Variants in EPB41L3 observed in about 807,000 individuals in gnomAD.
EPB41L3 encodes band 4.1-like protein 3.
A neutral mutation model predicts 127.1 loss-of-function variants in EPB41L3; 57 were observed. The ratio of observed to expected loss-of-function variants is 0.45; its 90% CI spans 0.36 to 0.56. EPB41L3 has a LOEUF of 0.56. Ranked by LOEUF, EPB41L3 falls within the 20% of genes least tolerant of loss-of-function variation. The pLI, the probability that EPB41L3 is intolerant of heterozygous loss-of-function variation, is 0.00. For synonymous variants in EPB41L3, 572 were observed against 549.5 expected (o/e 1.04, Z -0.57); for missense variants, 1,273 against 1,372.2 (o/e 0.93, Z 1.14).
chr18:5,498,713 A>T (rs1432943411), intron 1 of EPB41L3, among the ~76,000 whole-genome samples: 1 of 152,106 alleles, frequency 6.6e-6, no homozygotes, highest in Non-Finnish European at 1.5e-5. Flanking sequence ...CAAAGTGGAC[A>T]TTTCAGAGCA....
At position 5,398,113 on chromosome 18, in the gene EPB41L3, C is replaced by T; in HGVS notation, c.2380G>A (p.Asp794Asn). Residue 794 changes from aspartate (D) to asparagine (N), a missense_variant, in exon 17 of 23, where the codon GAT becomes AAT. Transcript: ENST00000341928. ...AATAAACTGAAGATTTCAGAGCCAT[C>T]CATGAGCTTTTCCCCAGAAGACTGC... Reference protein sequence around the residue: ...TKQSSGEKLMDGSEIFSLLES... With the variant: ...TKQSSGEKLMNGSEIFSLLES... 2 of 1,614,084 alleles carry T rather than the reference C, an allele frequency of 1.2e-6. No individual in the cohort carries two copies. Among genetic ancestry groups the T allele is most frequent in the Non-Finnish European group, 1.7e-6 (2 of 1,180,004 alleles).
intron 3 of EPB41L3, among the ~76,000 whole-genome samples, chr18:5,584,824 A>C (rs75138365): frequency 6.6e-6 from 1 of 152,354 alleles, no homozygotes; most frequent in Non-Finnish European, 1.5e-5. Context: ...CATCTGATTC[A>C]AAGTGAAAAT....
chr18:5,408,036 A>G (rs923253331), intron 14 of EPB41L3, among the ~76,000 whole-genome samples: 1 of 152,206 alleles, frequency 6.6e-6, no homozygotes, highest in Non-Finnish European at 1.5e-5. Flanking sequence ...CTTGATGAAC[A>G]TTAGAAATAG....
intron 3 of EPB41L3, among the ~76,000 whole-genome samples, chr18:5,592,214 G>A (rs560682119): frequency 5.3e-5 from 8 of 152,118 alleles, no homozygotes; most frequent in South Asian, 4.2e-4. Context: ...TCACCCAGGC[G>A]GGAGTGCAGT....
intron 9 of EPB41L3, among the ~76,000 whole-genome samples, chr18:5,427,006 T>C (rs1018016021): frequency 6.6e-6 from 1 of 152,142 alleles, no homozygotes; most frequent in African/African-American, 2.4e-5. Flanking sequence ...ATGTTTCAAT[T>C]TTTTTGTTAT....
chr18:5,435,224 T>A lies in EPB41L3; in HGVS notation c.606-1103A>T. Among the ~76,000 whole-genome samples the A allele has an allele frequency of 1.3e-5, 2 of 152,318 alleles. 1 individual carries two copies. The highest frequency in any genetic ancestry group is 4.1e-4 in the South Asian group (2 of 4,832). On this transcript the variant is annotated intron_variant, in intron 6 of 22. Transcript: ENST00000341928. ...TAAAAAAATTACAGTAAGCTAAGGT[T>A]AATTTATTATTGAAGAAAGAAATTT...
intron 3 of EPB41L3, among the ~76,000 whole-genome samples, chr18:5,564,806 T>G (rs2094177314): frequency 6.6e-6 from 1 of 152,104 alleles, no homozygotes; most frequent in Non-Finnish European, 1.5e-5. Flanking sequence ...CCCAGTTCCC[T>G]GCAGCTACTC....
intron 3 of EPB41L3, among the ~76,000 whole-genome samples, chr18:5,457,776 C>A (rs971451149): frequency 3.9e-5 from 6 of 152,146 alleles, no homozygotes; most frequent in Non-Finnish European, 8.8e-5. Flanking sequence ...CACACACCTC[C>A]ACGCCCCGAA....
In EPB41L3 at chr18:5,393,451, C is replaced by G. The variant is rs1248223402; in HGVS notation, c.*34G>C. On this transcript the variant is annotated 3_prime_UTR_variant, in exon 23 of 23. Coordinates refer to ENST00000341928, the MANE Select transcript of EPB41L3 (RefSeq NM_012307.5). Reference sequence around the variant, plus strand: ...CTGGTTTTCCTAACGGTTTGCATGACTGCATTCATGTGCAAGCTAAGTTAT... The same window carrying G: ...CTGGTTTTCCTAACGGTTTGCATGAGTGCATTCATGTGCAAGCTAAGTTAT... 1 of 701,204 alleles carries G rather than the reference C, an allele frequency of 1.4e-6. No individual in the cohort carries two copies. Among genetic ancestry groups the G allele is most frequent in the South Asian group, 1.5e-5 (1 of 67,270 alleles). 43.4% of individuals were successfully genotyped at this position (701,204 alleles called of 1,614,324 possible).
intron 2 of EPB41L3, among the ~76,000 whole-genome samples, chr18:5,481,235 C>G (rs543131127): frequency 6.6e-6 from 1 of 152,238 alleles, no homozygotes; most frequent in South Asian, 2.1e-4. Flanking sequence ...GCTGGTTTCC[C>G]TCCTCCCATC....
At chr18:5,561,015 T>C (rs1010812134) in intron 3 of EPB41L3, among the ~76,000 whole-genome samples, 2 of 131,172 alleles carry the variant, frequency 1.5e-5, no homozygotes, top group African/African-American at 5.4e-5. Flanking sequence ...TCTCGCTCTG[T>C]CGCCCAGGCT....
intron 1 of EPB41L3, among the ~76,000 whole-genome samples, chr18:5,539,414 A>C (rs1302206333): frequency 1.3e-5 from 2 of 152,248 alleles, no homozygotes; most frequent in Non-Finnish European, 2.9e-5. Context: ...CAAAGTATGC[A>C]ATTTAACCAA....
chr18:5,602,802 G>A (rs568970208), intron 3 of EPB41L3, among the ~76,000 whole-genome samples: 117 of 152,284 alleles, frequency 7.7e-4, no homozygotes, highest in African/African-American at 2.2e-3. Context: ...ATAGGTAACC[G>A]ATGTTTAAAG....
At chr18:5,624,487 T>G (rs903173661) in intron 1 of EPB41L3, among the ~76,000 whole-genome samples, 5 of 152,226 alleles carry the variant, frequency 3.3e-5, no homozygotes, top group Admixed American at 2.6e-4. Context: ...TTCTTCCAGC[T>G]ACCAAGGCAT....
At chr18:5,579,879 G>A (rs1419439362) in intron 3 of EPB41L3, among the ~76,000 whole-genome samples, 1 of 152,232 alleles carries the variant, frequency 6.6e-6, no homozygotes, top group African/African-American at 2.4e-5. Flanking sequence ...GAGGATTAGA[G>A]ATGACGGTGA....
At chr18:5,560,974 T>TTGACACGG (rs1343584048) in intron 3 of EPB41L3, among the ~76,000 whole-genome samples, 1 of 144,818 alleles carries the variant, frequency 6.9e-6, no homozygotes, top group Non-Finnish European at 1.5e-5. Context: ...TTTATTTATT[T>TTGACACGG]ATTTATTTAT....
chr18:5,612,960 C>A (rs1419692841), intron 2 of EPB41L3, among the ~76,000 whole-genome samples: 1 of 152,128 alleles, frequency 6.6e-6, no homozygotes, highest in Non-Finnish European at 1.5e-5. Context: ...AGGCTGGTCT[C>A]AAACTCATGA....
chr18:5,476,796 C>G (rs1266900149), intron 3 of EPB41L3, among the ~76,000 whole-genome samples: 1 of 152,162 alleles, frequency 6.6e-6, no homozygotes. Flanking sequence ...ACTGGAGCTG[C>G]CTATTTCCAG....
chr18:5,398,335 G>A (rs1270190211), intron 16 of EPB41L3, 192 bp from the exon 17 acceptor site: 2 of 662,108 alleles, frequency 3.0e-6, no homozygotes, highest in Admixed American at 5.8e-5. Flanking sequence ...GTTTGGTAAA[G>A]CAGAGACGGT....
Sources: gnomAD v4.1 joint callset for allele counts (sites outside exome capture counted in the v4.1 genomes callset) on GRCh38, gnomAD v4.1.1 for gene constraint, MANE v1.5 for transcripts, NCBI Gene and HGNC (gene_info 2026-07-23, HGNC 2026-07-21) for gene names.